Variants in REL observed in about 807,000 individuals in gnomAD.
REL encodes REL proto-oncogene, NF-kB subunit, also known as proto-oncogene c-Rel.
Under a neutral mutation model 45.9 loss-of-function variants are expected in REL, and 15 were observed. The ratio of observed to expected loss-of-function variants is 0.33; its 90% confidence interval spans 0.22 to 0.50. The LOEUF (loss-of-function observed/expected upper bound fraction) is 0.50, where lower values mean the gene tolerates loss of function less well. Among genes scored for constraint, REL ranks in the 20% least tolerant of loss-of-function variants. The pLI, the probability that REL is intolerant of heterozygous loss-of-function variation, is 0.98. For missense variants in REL, 601 were observed against 715.2 expected (o/e 0.84, Z 1.82); for synonymous variants, 239 against 242.1 (o/e 0.99, Z 0.12).
chr2:60,901,044 A>G lies in REL; in HGVS notation c.355A>G (p.Ile119Val). The change falls in exon 4 of 10, where the codon ATT becomes GTT. Residue 119 changes from isoleucine to valine, a missense_variant. By Grantham distance (29) the Ile-to-Val change is conservative (BLOSUM62 3). Around this residue, in one of 4 missense-constraint regions of REL, gnomAD observed 241 missense variants for 347.0 expected, o/e 0.69. Coordinates refer to ENST00000394479, the MANE Select transcript of REL (RefSeq NM_001291746.2). ...CVKKKEVKEA[I>V]ITRIKAGINP... is the part of the protein sequence containing the mutation. ...GAAGAAAAAAGAAGTAAAAGAAGCT[A>G]TTATTACAAGAATAAAGGCAGGAAT... 5 of 1,609,604 alleles carry G rather than the reference A, an allele frequency of 3.1e-6. No homozygotes were observed. The highest frequency in any genetic ancestry group is 4.2e-6 in the Non-Finnish European group (5 of 1,178,522).
intron 4 of REL, among the ~76,000 whole-genome samples, chr2:60,907,369 A>G (rs988755721): frequency 6.6e-6 from 1 of 152,144 alleles, no homozygotes; most frequent in African/African-American, 2.4e-5. Context: ...TAAAAGGGCC[A>G]GGCACGGTGG....
At chr2:60,892,727 G>A (rs1186734220) in intron 2 of REL, among the ~76,000 whole-genome samples, 1 of 151,680 alleles carries the variant, frequency 6.6e-6, no homozygotes, top group Non-Finnish European at 1.5e-5. Context: ...ACTGCGTCCA[G>A]CCAAGATGTA....
At chr2:60,889,433 A>G (rs1673151619) in intron 1 of REL, among the ~76,000 whole-genome samples, 1 of 152,162 alleles carries the variant, frequency 6.6e-6, no homozygotes, top group African/African-American at 2.4e-5. Flanking sequence ...TTTTCAAGAA[A>G]GCATCTGAAA....
intron 4 of REL, among the ~76,000 whole-genome samples, chr2:60,915,814 C>G (rs971427600): frequency 6.6e-6 from 1 of 152,214 alleles, no homozygotes; most frequent in South Asian, 2.1e-4. Context: ...ATACTATATT[C>G]TATCATGAGC....
chr2:60,912,681 C>G (rs536646810), intron 4 of REL, among the ~76,000 whole-genome samples: 14 of 152,040 alleles, frequency 9.2e-5, no homozygotes, highest in East Asian at 3.9e-4. Context: ...AAAGACAAAA[C>G]TGTTCAATAC....
chr2:60,906,795 A>G (rs1395378942), intron 4 of REL, among the ~76,000 whole-genome samples: 1 of 147,380 alleles, frequency 6.8e-6, no homozygotes, highest in Non-Finnish European at 1.5e-5. Context: ...GCCTTCCCTG[A>G]CCTTCTCTCT....
At chr2:60,905,640 A>T (rs1323939588) in intron 4 of REL, among the ~76,000 whole-genome samples, 2 of 152,160 alleles carry the variant, frequency 1.3e-5, no homozygotes, top group African/African-American at 4.8e-5. Flanking sequence ...AGCAGCCCCA[A>T]TTCTTGCCTC....
At chr2:60,910,010 G>A (rs1218112934) in intron 4 of REL, among the ~76,000 whole-genome samples, 1 of 152,144 alleles carries the variant, frequency 6.6e-6, no homozygotes, top group East Asian at 1.9e-4. Flanking sequence ...TACACTTCTA[G>A]AGCTAGTAGA....
In REL at chr2:60,922,134, G is replaced by C. The variant is rs748568909; in HGVS notation, c.1363G>C (p.Asp455His). 5 of 1,614,014 alleles carry C rather than the reference G, an allele frequency of 3.1e-6. No homozygotes were observed. The African/African-American group carries it at 5.3e-5, about 17-fold the overall frequency. The change falls in exon 10 of 10, where the codon GAT becomes CAT. Residue 455 changes from aspartate to histidine, a missense_variant. This residue lies in a region of REL where 334 missense variants were observed against 333.1 expected (regional missense o/e 1.00). Transcript: ENST00000394479. ...ATCAGCAGATTTATATGGTATTTCT[G>C]ATCCCAACATGCTGTCTAATTGTTC... ...MPSADLYGIS[D>H]PNMLSNCSVN...
chr2:60,881,762 G>T lies in REL; in HGVS notation c.-79G>T. 7.3e-7 allele frequency: 1 copy of T among 1,365,278 alleles called. No homozygotes were observed. Among genetic ancestry groups the T allele is most frequent in the South Asian group, 1.3e-5 (1 of 79,986 alleles). The allele number at this position is 1,365,278 out of a possible 1,614,324, so 84.6% of individuals were successfully genotyped here. On this transcript the variant is annotated 5_prime_UTR_variant, in exon 1 of 10. Transcript: ENST00000394479. ...GGGCCCCGCCGGCAGAGGTCCCTCG[G>T]CCTCCTGACTGACTGACTGCGGCCG...
In REL at chr2:60,926,014, T is replaced by C; in HGVS notation, c.*3479T>C. 1 of 228,268 alleles carries C rather than the reference T, an allele frequency of 4.4e-6. No individual in the cohort carries two copies. Among genetic ancestry groups the C allele is most frequent in the East Asian group, 6.3e-5 (1 of 15,970 alleles). The allele number at this position is 228,268 out of a possible 1,614,324, so 14.1% of individuals were successfully genotyped here. A position where few individuals can be genotyped will look rare whatever the true frequency, so the allele number is the denominator to read the frequency against. On this transcript the variant is annotated 3_prime_UTR_variant, in exon 10 of 10. Coordinates refer to ENST00000394479, the MANE Select transcript of REL (RefSeq NM_001291746.2). ...TTTTGACCCTGTATAGACTTTAATT[T>C]AAAATGAATTTGGTAACGTTTCTCC...
chr2:60,891,098 C>T (rs890228616), intron 1 of REL, among the ~76,000 whole-genome samples: 4 of 152,022 alleles, frequency 2.6e-5, no homozygotes, highest in Non-Finnish European at 5.9e-5. Context: ...GCCTAAAGTC[C>T]CTCCTGGGGC....
chr2:60,930,505 T>G lies in REL; in HGVS notation c.*7970T>G, dbSNP rs1265830791. Reference sequence around the variant, plus strand: ...TGTATCTAGTTTTATGCCTTTTTTTTGCCTAAGACGTAGTCAAATTAATAT... The same window carrying G: ...TGTATCTAGTTTTATGCCTTTTTTTGGCCTAAGACGTAGTCAAATTAATAT... On this transcript the variant is annotated 3_prime_UTR_variant, in exon 10 of 10. Transcript: ENST00000394479. 1.3e-5 allele frequency: 2 copies of G among 152,354 alleles called. No homozygotes were observed. Among genetic ancestry groups the G allele is most frequent in the African/African-American group, 4.8e-5 (2 of 41,460 alleles). 9.4% of individuals were successfully genotyped at this position (152,354 alleles called of 1,614,324 possible). A position where few individuals can be genotyped will look rare whatever the true frequency, so the allele number is the denominator to read the frequency against.
At chr2:60,898,391 C>G (rs1673409938) in intron 3 of REL, among the ~76,000 whole-genome samples, 1 of 152,328 alleles carries the variant, frequency 6.6e-6, no homozygotes, top group Admixed American at 6.5e-5. Context: ...AATTTTTATA[C>G]TCCACTCACA....
intron 1 of REL, among the ~76,000 whole-genome samples, chr2:60,890,018 C>T (rs1325370283): frequency 2.6e-5 from 4 of 152,182 alleles, no homozygotes; most frequent in Admixed American, 1.3e-4. Context: ...CCTGAGGAAT[C>T]GCCACACTGA....
chr2:60,894,107 A>G (rs35747951), intron 2 of REL, among the ~76,000 whole-genome samples: 2,204 of 152,314 alleles, frequency 0.014, 29 homozygotes, highest in Middle Eastern at 0.027. Flanking sequence ...CTCATGTTCT[A>G]TGGATAAAAT....
At chr2:60,911,810 C>T (rs955318888) in intron 4 of REL, among the ~76,000 whole-genome samples, 8 of 151,746 alleles carry the variant, frequency 5.3e-5, no homozygotes, top group Admixed American at 4.6e-4. Context: ...ACCATCCTGG[C>T]CAAGATGATG....
At chr2:60,884,767 C>A (rs1353061750) in intron 1 of REL, among the ~76,000 whole-genome samples, 1 of 152,090 alleles carries the variant, frequency 6.6e-6, no homozygotes, top group Non-Finnish European at 1.5e-5. Flanking sequence ...CTGTGTCACA[C>A]AATAGGAAGG....
chr2:60,903,894 T>A (rs1371837787), intron 4 of REL, among the ~76,000 whole-genome samples: 1 of 151,890 alleles, frequency 6.6e-6, no homozygotes, highest in African/African-American at 2.4e-5. Context: ...TTCAAACTCC[T>A]GGGGTCCAGT....
Sources: gnomAD v4.1 joint callset for allele counts (sites outside exome capture counted in the v4.1 genomes callset) on GRCh38, gnomAD v4.1.1 for gene constraint, gnomAD v4.1.1 regional missense constraint, MANE v1.5 for transcripts, NCBI Gene and HGNC (gene_info 2026-07-23, HGNC 2026-07-21) for gene names.